Variants in KALRN observed in about 807,000 individuals in gnomAD.
The protein encoded by KALRN is kalirin RhoGEF kinase, also known as kalirin.
A neutral mutation model predicts 353.7 loss-of-function variants in KALRN; 70 were observed. That is an observed-to-expected ratio of 0.20 (90% CI 0.16 to 0.24). The LOEUF is 0.24. Among genes scored for constraint, KALRN ranks in the 10% least tolerant of loss-of-function variants. KALRN has a pLI of 1.00. For missense variants in KALRN, 2,791 were observed against 3,756.7 expected (o/e 0.74, Z 6.72); for synonymous variants, 1,391 against 1,434.8 (o/e 0.97, Z 0.69).
intron 4 of KALRN, among the ~76,000 whole-genome samples, chr3:124,268,270 G>A (rs2073795333): frequency 1.3e-5 from 2 of 152,172 alleles, no homozygotes; most frequent in Non-Finnish European, 2.9e-5. Context: ...CCTTGGAAAA[G>A]ATAAGACTGT....
intron 5 of KALRN, among the ~76,000 whole-genome samples, chr3:124,283,169 G>T (rs2075518385): frequency 6.6e-6 from 1 of 152,234 alleles, no homozygotes. Context: ...GGGAGGACTA[G>T]ATGAGAACAT....
chr3:124,647,548 C>T (rs906865579), intron 37 of KALRN, among the ~76,000 whole-genome samples: 4 of 152,198 alleles, frequency 2.6e-5, no homozygotes, highest in Non-Finnish European at 5.9e-5. Flanking sequence ...TTAAGTCTTT[C>T]CTTCTCCATC....
chr3:124,320,825 C>A (rs2079258918), intron 6 of KALRN, among the ~76,000 whole-genome samples: 1 of 152,196 alleles, frequency 6.6e-6, no homozygotes, highest in Admixed American at 6.5e-5. Flanking sequence ...AGACCTTTAA[C>A]TCCTAGGGAA....
chr3:124,607,301 C>T (rs538075733), intron 34 of KALRN, among the ~76,000 whole-genome samples: 93 of 104,620 alleles, frequency 8.9e-4, no homozygotes, highest in Non-Finnish European at 1.2e-3. Context: ...AACCATTCAA[C>T]GACATAGTAT....
intron 9 of KALRN, among the ~76,000 whole-genome samples, chr3:124,343,311 C>A (rs1358300151): frequency 6.6e-6 from 1 of 152,164 alleles, no homozygotes; most frequent in Non-Finnish European, 1.5e-5. Context: ...GTGTGCACCA[C>A]CACGCCTGGC....
In KALRN at chr3:124,677,829, T is replaced by A. The variant is rs545731680; in HGVS notation, c.7194-361T>A. Among the ~76,000 whole-genome samples, 26 of 152,320 alleles carry A rather than the reference T, an allele frequency of 1.7e-4. No individual in the cohort carries two copies. In the South Asian group the frequency reaches 4.8e-3, roughly 28 times the overall value. ...CTTTCCTATTCTACTCTTCGCCCCC[T>A]TTCCTCACCCATCCACCGTGCCCTT... is the stretch of plus-strand genomic sequence containing the variant. On this transcript the variant is annotated intron_variant, in intron 49 of 59. Coordinates refer to ENST00000682506, the MANE Select transcript of KALRN (RefSeq NM_001388419.1).
chr3:124,289,142 C>G (rs1203522740), intron 5 of KALRN, among the ~76,000 whole-genome samples: 1 of 152,154 alleles, frequency 6.6e-6, no homozygotes, highest in Non-Finnish European at 1.5e-5. Context: ...AGCTCAGGTT[C>G]CTCTTCCTCT....
At chr3:124,695,635 TTA>T (rs1462366074) in intron 53 of KALRN, among the ~76,000 whole-genome samples, 1 of 152,166 alleles carries the variant, frequency 6.6e-6, no homozygotes, top group African/African-American at 2.4e-5. Flanking sequence ...AAGTTATCAT[TTA>T]GGTGATGGAA....
intron 1 of KALRN, among the ~76,000 whole-genome samples, chr3:124,041,242 A>G (rs559679620): frequency 2.6e-5 from 4 of 152,270 alleles, no homozygotes; most frequent in South Asian, 2.1e-4. Context: ...CTCTACTTAC[A>G]TGAATAACTT....
intron 17 of KALRN, among the ~76,000 whole-genome samples, chr3:124,438,382 C>T (rs1356652036): frequency 6.6e-6 from 1 of 152,118 alleles, no homozygotes; most frequent in Non-Finnish European, 1.5e-5. Context: ...ATTTTTGAGA[C>T]ATTTTTCCCC....
At chr3:124,122,927 G>C (rs1355277826) in intron 1 of KALRN, among the ~76,000 whole-genome samples, 1 of 152,184 alleles carries the variant, frequency 6.6e-6, no homozygotes, top group East Asian at 1.9e-4. Context: ...TAGCAGCCGG[G>C]CACAGTGGCT....
At chr3:124,714,764 C>T (rs988433843) in intron 58 of KALRN, among the ~76,000 whole-genome samples, 1 of 152,156 alleles carries the variant, frequency 6.6e-6, no homozygotes, top group African/African-American at 2.4e-5. Flanking sequence ...GCCTGTAATT[C>T]TAGCACTTTG....
chr3:124,606,484 C>CTTATAA (rs1480440113), intron 34 of KALRN, among the ~76,000 whole-genome samples: 2 of 152,208 alleles, frequency 1.3e-5, no homozygotes, highest in Non-Finnish European at 1.5e-5. Flanking sequence ...ATAGTCCTGT[C>CTTATAA]TCCTTAAAAA....
At position 124,104,863 on chromosome 3, in the gene KALRN, G is replaced by A. The variant is rs2062153568; in HGVS notation, c.73+71050G>A. 2.6e-5 allele frequency among the ~76,000 whole-genome samples: 4 copies of A among 152,166 alleles called. No individual in the cohort carries two copies. In the South Asian group the frequency reaches 8.3e-4, roughly 32 times the overall value. ...CAGGATTAATAGGAGTTTGTTTGGT[G>A]GAGAAGGTGGGGCCAAACATTCTAG... On this transcript the variant is annotated intron_variant, in intron 1 of 59. Transcript: ENST00000682506.
At chr3:124,232,956 A>G (rs2079340647) in intron 2 of KALRN, among the ~76,000 whole-genome samples, 2 of 152,132 alleles carry the variant, frequency 1.3e-5, no homozygotes, top group Non-Finnish European at 2.9e-5. Flanking sequence ...AAAATCATAT[A>G]ATAAATGGTG....
At chr3:124,163,970 C>A in intron 1 of KALRN, 4 of 985,456 alleles carry the variant, frequency 4.1e-6, no homozygotes, top group Non-Finnish European at 4.8e-6. Context: ...CTAACCTTTT[C>A]TGTGGTCATT....
intron 3 of KALRN, among the ~76,000 whole-genome samples, chr3:124,243,265 G>A (rs1932827953): frequency 6.6e-6 from 1 of 152,212 alleles, no homozygotes; most frequent in Non-Finnish European, 1.5e-5. Context: ...TCCATGTGGG[G>A]CTAAGGGACT....
At chr3:124,094,961 A>G (rs2061343777) in intron 1 of KALRN, 3 of 1,454,950 alleles carry the variant, frequency 2.1e-6, no homozygotes, top group Middle Eastern at 1.7e-4. Context: ...ATACACATAG[A>G]GACATAAAGA....
chr3:124,410,181 C>T (rs747637723), intron 13 of KALRN: 1 of 531,562 alleles, frequency 1.9e-6, no homozygotes. Flanking sequence ...CTAAAGCCCT[C>T]TGACGTGACT....
Sources: allele counts gnomAD v4.1 joint callset (sites outside exome capture counted in the v4.1 genomes callset), GRCh38; gene constraint gnomAD v4.1.1; transcripts MANE v1.5; gene names NCBI Gene and HGNC (gene_info 2026-07-23, HGNC 2026-07-21).